ZDHHC12: variants seen among roughly 807,000 people sequenced by gnomAD.
ZDHHC12 encodes the protein palmitoyltransferase ZDHHC12.
In ZDHHC12, 26 loss-of-function variants were observed where a neutral mutation model predicts 33.2. The ratio of observed to expected loss-of-function variants is 0.78; its 90% CI spans 0.57 to 1.09. The LOEUF is 1.09. ZDHHC12 is among the 50% of genes least tolerant of loss of function. The probability of loss-of-function intolerance (pLI) is 0.00; values close to 1 mark genes in which losing one functional copy is unlikely to be tolerated. For synonymous variants in ZDHHC12, 154 were observed against 152.1 expected, an observed-to-expected ratio of 1.01 and a Z score of -0.09; for missense variants, 350 against 353.0, an observed-to-expected ratio of 0.99 and a Z score of 0.07.
In ZDHHC12 at chr9:128,722,482, A is replaced by G. The variant is rs753759919; in HGVS notation, c.193T>C (p.Ser65Pro). 6.4e-7 allele frequency: 1 copy of G among 1,564,226 alleles called. No individual in the cohort carries two copies. Among genetic ancestry groups the G allele is most frequent in the South Asian group, 1.2e-5 (1 of 84,898 alleles). ...LGSLLLYLAV[S>P]LMDPGYVNVQ... is the part of the protein sequence containing the mutation. ...TTCACGTAGCCAGGGTCCATGAGTG[A>G]CACAGCGAGGTAGAGCAGCAGGGAG... The change falls in exon 2 of 5, where the codon TCA (serine) becomes CCA (proline). Residue 65 changes from serine (S) to proline (P), a missense_variant. By Grantham distance (74) the Ser-to-Pro change is moderately conservative. Transcript: ENST00000372663. The surrounding 1 kb of genome is among the most constrained non-coding windows in gnomAD (Gnocchi z 4.2).
chr9:128,722,773 G>T lies in ZDHHC12; in HGVS notation c.101-199C>A, dbSNP rs1862608829. On this transcript the variant is annotated intron_variant, in intron 1 of 4. Coordinates refer to ENST00000372663, the MANE Select transcript of ZDHHC12 (RefSeq NM_032799.5). This position sits in a 1 kb window ranked among gnomAD's most constrained non-coding sequence, Gnocchi z 4.2. Reference sequence around the variant, plus strand: ...TCAGAGGGAACCATGGAAGGTTATAGAGCCAGATCTGTTTTGGAAAACCTC... The same window carrying T: ...TCAGAGGGAACCATGGAAGGTTATATAGCCAGATCTGTTTTGGAAAACCTC... 2.1e-6 allele frequency: 3 copies of T among 1,413,352 alleles called. No individual in the cohort carries two copies. In the South Asian group the frequency reaches 4.8e-5, roughly 23 times the overall value. The allele number at this position is 1,413,352 out of a possible 1,614,324, so 87.6% of individuals were successfully genotyped here.
At position 128,720,959 on chromosome 9, in the gene ZDHHC12, G is replaced by T. The variant is rs1862525727; in HGVS notation, c.*222C>A. 8.3e-6 allele frequency: 5 copies of T among 605,902 alleles called. No individual in the cohort carries two copies. The highest frequency in any genetic ancestry group is 4.4e-4 in the Middle Eastern group (1 of 2,258). 37.5% of individuals were successfully genotyped at this position (605,902 alleles called of 1,614,324 possible). On this transcript the variant is annotated 3_prime_UTR_variant, in exon 5 of 5. Transcript: ENST00000372663. The surrounding 1 kb of genome is among the most constrained non-coding windows in gnomAD (Gnocchi z 5.5). ...GGGCGGGGCTGGGGTGGAGCCCGGG[G>T]TCTGCTTGGGCCTGAGCCACCCACA...
In ZDHHC12 at chr9:128,722,533, G is replaced by A. The variant is rs1257215683; in HGVS notation, c.142C>T (p.Leu48Phe). The A allele has an allele frequency of 1.3e-6, 2 of 1,591,232 alleles. No homozygotes were observed. Among genetic ancestry groups the A allele is most frequent in the South Asian group, 1.1e-5 (1 of 87,422 alleles). The stretch of plus-strand genomic sequence containing the variant: ...CCCAGCACCAGGAGCAGGAAGGTGA[G>A]GGGCAGGAGCAGCTCCCCCTGCTCC... ...WEEQGELLLPLTFLLLVLGSL... is the reference protein window; with the variant it reads ...WEEQGELLLPFTFLLLVLGSL... Residue 48 changes from leucine (L) to phenylalanine (F), a missense_variant, in exon 2 of 5, where the codon CTC becomes TTC. Coordinates refer to ENST00000372663, the MANE Select transcript of ZDHHC12 (RefSeq NM_032799.5). The surrounding 1 kb of genome is among the most constrained non-coding windows in gnomAD (Gnocchi z 4.2).
In ZDHHC12 at chr9:128,721,053, A is replaced by C; in HGVS notation, c.*128T>G. 1 of 975,318 alleles carries C rather than the reference A, an allele frequency of 1.0e-6. No homozygotes were observed. The highest frequency in any genetic ancestry group is 1.5e-6 in the Non-Finnish European group (1 of 683,814). The allele number at this position is 975,318 out of a possible 1,614,324, so 60.4% of individuals were successfully genotyped here. On this transcript the variant is annotated 3_prime_UTR_variant, in exon 5 of 5. Transcript: ENST00000372663. The surrounding 1 kb of genome is among the most constrained non-coding windows in gnomAD (Gnocchi z 6.9). ...CCAAGGCAGGGATCTGTCTGACTTG[A>C]AGCTCCGTTCTGGGGTCTGGGAGGC... is the stretch of plus-strand genomic sequence containing the variant.
rs768101088 is a variant in ZDHHC12 at position 128,721,781 on chromosome 9, G to A, written c.352C>T (p.Arg118Cys). 9 of 1,613,468 alleles carry A rather than the reference G, an allele frequency of 5.6e-6. No individual in the cohort carries two copies. The highest frequency in any genetic ancestry group is 5.5e-5 in the South Asian group (5 of 91,080). Residue 118 changes from arginine (R) to cysteine (C), a missense_variant, in exon 4 of 5, where the codon CGT (arginine) becomes TGT (cysteine). Coordinates refer to ENST00000372663, the MANE Select transcript of ZDHHC12 (RefSeq NM_032799.5). The surrounding 1 kb of genome is among the most constrained non-coding windows in gnomAD (Gnocchi z 6.9). ...TGGTGGTCGTAGCGGCGGACGCAAC[G>A]GCGGCACTCACGGCAGTGCCGAGCC... The part of the protein sequence containing the change: ...LRARHCRECR[R>C]CVRRYDHHCP...
Position 128,724,114 on chromosome 9 carries a change from C to A in ZDHHC12, c.-21G>T. Reference sequence around the variant, plus strand: ...GCCATCGCCTCGGCCCGGGGCCCCACCCGGAAGAAGCGCCCAGAGGGGCGG... The same window carrying A: ...GCCATCGCCTCGGCCCGGGGCCCCAACCGGAAGAAGCGCCCAGAGGGGCGG... On this transcript the variant is annotated 5_prime_UTR_variant, in exon 1 of 5. Transcript: ENST00000372663. 2 of 1,522,820 alleles carry A rather than the reference C, an allele frequency of 1.3e-6. No homozygotes were observed. The highest frequency in any genetic ancestry group is 1.4e-5 in the African/African-American group (1 of 71,848). 94.3% of individuals were successfully genotyped at this position (1,522,820 alleles called of 1,614,324 possible). A position where few individuals can be genotyped will look rare whatever the true frequency, so the allele number is the denominator to read the frequency against.
Position 128,721,131 on chromosome 9 carries a change from C to T in ZDHHC12, c.*50G>A. The T allele has an allele frequency of 1.4e-6, 2 of 1,477,918 alleles. No individual in the cohort carries two copies. Among genetic ancestry groups the T allele is most frequent in the Non-Finnish European group, 1.8e-6 (2 of 1,117,400 alleles). The allele number at this position is 1,477,918 out of a possible 1,614,324, so 91.6% of individuals were successfully genotyped here. A position where few individuals can be genotyped will look rare whatever the true frequency, so the allele number is the denominator to read the frequency against. On this transcript the variant is annotated 3_prime_UTR_variant, in exon 5 of 5. Transcript: ENST00000372663. The surrounding 1 kb of genome is among the most constrained non-coding windows in gnomAD (Gnocchi z 6.9). ...TCTGAGCGCTCACCCCAGCTGGGGA[C>T]AGGCCCCGTGGTTTTCAGGCACAAG...
chr9:128,724,006 G>T lies in ZDHHC12; in HGVS notation c.88C>A (p.Leu30Met). ...GGGTCCGGCTCACCGGTATCGTGCA[G>T]GAAGAGCACCAGCGTGATTCCCCAG... ...LTWGITLVLF[L>M]HDTELRQWEE... Residue 30 changes from leucine (L) to methionine (M), a missense_variant, in exon 1 of 5, where the codon CTG (leucine) becomes ATG (methionine). Transcript: ENST00000372663. 1 of 1,612,940 alleles carries T rather than the reference G, an allele frequency of 6.2e-7. No homozygotes were observed. The highest frequency in any genetic ancestry group is 2.2e-5 in the East Asian group (1 of 44,814).
rs1316887939 is a variant in ZDHHC12, at chr9:128,721,544, G to A, written c.483-42C>T. ...AGGGGCCTGGTGCTGGGGGAGGGCA[G>A]GGGAGCCCTTCCCTCCCCATGCCGG... On this transcript the variant is annotated intron_variant, in intron 4 of 4. Transcript: ENST00000372663. The surrounding 1 kb of genome is among the most constrained non-coding windows in gnomAD (Gnocchi z 6.9). 1 of 1,590,904 alleles carries A rather than the reference G, an allele frequency of 6.3e-7. No individual in the cohort carries two copies. The highest frequency in any genetic ancestry group is 8.6e-7 in the Non-Finnish European group (1 of 1,166,544).
chr9:128,721,358 G>A lies in ZDHHC12; in HGVS notation c.627C>T (p.Thr209=). Reference sequence around the variant, plus strand: ...GTGAGGAGATGAATTCCCAGGTGGTGGTGTTGCTGGCCACCAGGTAGAGGT... The same window carrying A: ...GTGAGGAGATGAATTCCCAGGTGGTAGTGTTGCTGGCCACCAGGTAGAGGT... ...VSHLYLVASN[T]TTWEFISSHR... Residue 209 remains threonine, a synonymous_variant, in exon 5 of 5, where the codon ACC becomes ACT. Transcript: ENST00000372663. The surrounding 1 kb of genome is among the most constrained non-coding windows in gnomAD (Gnocchi z 6.9). 2 of 1,587,496 alleles carry A rather than the reference G, an allele frequency of 1.3e-6. No homozygotes were observed. Among genetic ancestry groups the A allele is most frequent in the African/African-American group, 1.3e-5 (1 of 74,756 alleles).
At position 128,721,152 on chromosome 9, in the gene ZDHHC12, A is replaced by G. The variant is rs376384777; in HGVS notation, c.*29T>C. On this transcript the variant is annotated 3_prime_UTR_variant, in exon 5 of 5. Transcript: ENST00000372663. This position sits in a 1 kb window ranked among gnomAD's most constrained non-coding sequence, Gnocchi z 6.9. Reference sequence around the variant, plus strand: ...GGGACAGGCCCCGTGGTTTTCAGGCACAAGACGGTAGCCCGGCCTCCAGCA... The same window carrying G: ...GGGACAGGCCCCGTGGTTTTCAGGCGCAAGACGGTAGCCCGGCCTCCAGCA... 43 of 1,515,358 alleles carry G rather than the reference A, an allele frequency of 2.8e-5. No individual in the cohort carries two copies. In the African/African-American group the frequency reaches 5.2e-4, roughly 18 times the overall value. The allele number at this position is 1,515,358 out of a possible 1,614,324, so 93.9% of individuals were successfully genotyped here. A position where few individuals can be genotyped will look rare whatever the true frequency, so the allele number is the denominator to read the frequency against.
In ZDHHC12 at chr9:128,722,830, G is replaced by A. The variant is rs1862610649; in HGVS notation, c.101-256C>T. On this transcript the variant is annotated intron_variant, in intron 1 of 4. Coordinates refer to ENST00000372663, the MANE Select transcript of ZDHHC12 (RefSeq NM_032799.5). This position sits in a 1 kb window ranked among gnomAD's most constrained non-coding sequence, Gnocchi z 4.2. ...AAAGAAATGGATCAGGGGAAGCCTG[G>A]GGGCAGAGAATCTGGCCAGGAGGAA... is the stretch of plus-strand genomic sequence containing the variant. 1 of 1,244,746 alleles carries A rather than the reference G, an allele frequency of 8.0e-7. No homozygotes were observed. The highest frequency in any genetic ancestry group is 1.6e-5 in the African/African-American group (1 of 63,848). 77.1% of individuals were successfully genotyped at this position (1,244,746 alleles called of 1,614,324 possible).
chr9:128,722,174 T>C lies in ZDHHC12; in HGVS notation c.238-88A>G. 6.6e-7 allele frequency: 1 copy of C among 1,517,892 alleles called. No individual in the cohort carries two copies. Among genetic ancestry groups the C allele is most frequent in the Non-Finnish European group, 9.1e-7 (1 of 1,099,126 alleles). The allele number at this position is 1,517,892 out of a possible 1,614,324, so 94.0% of individuals were successfully genotyped here. A position where few individuals can be genotyped will look rare whatever the true frequency, so the allele number is the denominator to read the frequency against. On this transcript the variant is annotated intron_variant, in intron 2 of 4. Coordinates refer to ENST00000372663, the MANE Select transcript of ZDHHC12 (RefSeq NM_032799.5). The surrounding 1 kb of genome is among the most constrained non-coding windows in gnomAD (Gnocchi z 4.2). ...GCTCCCCTAGGGGCCGGCTTAGCTC[T>C]GGGTATGGAGTTTGGGACCCATCCC... is the stretch of plus-strand genomic sequence containing the variant.
chr9:128,721,462 G>A lies in ZDHHC12; in HGVS notation c.523C>T (p.Arg175Trp), dbSNP rs141785453. ...RFFQPWGQWL[R>W]SSGLLFATFL... ...GTGGCGAACAGGAGCCCGCTGGACC[G>A]CAACCACTGACCCCAGGGCTGGAAG... is the stretch of plus-strand genomic sequence containing the variant. The change falls in exon 5 of 5, where the codon CGG becomes TGG. Residue 175 changes from arginine (R) to tryptophan (W), a missense_variant. Coordinates refer to ENST00000372663, the MANE Select transcript of ZDHHC12 (RefSeq NM_032799.5). This position sits in a 1 kb window ranked among gnomAD's most constrained non-coding sequence, Gnocchi z 6.9. 9.2e-4 allele frequency: 1,467 copies of A among 1,591,260 alleles called. 24 individuals are homozygous for A. The East Asian group carries it at 0.027, about 29-fold the overall frequency.
At position 128,723,864 on chromosome 9, in the gene ZDHHC12, T is replaced by A; in HGVS notation, c.100+130A>T. 7.2e-7 allele frequency: 1 copy of A among 1,394,854 alleles called. No individual in the cohort carries two copies. The highest frequency in any genetic ancestry group is 9.7e-7 in the Non-Finnish European group (1 of 1,028,004). 86.4% of individuals were successfully genotyped at this position (1,394,854 alleles called of 1,614,324 possible). On this transcript the variant is annotated intron_variant, in intron 1 of 4. Transcript: ENST00000372663. The surrounding 1 kb of genome is among the most constrained non-coding windows in gnomAD (Gnocchi z 4.4). ...TTGGAATGATAGATGGGGAGAGGGC[T>A]TCAGGAGCTGGTGGAGATCGGGCCA...
rs774375959 is a variant in ZDHHC12, at chr9:128,721,833, A to G, written c.316-16T>C. 15 of 1,610,630 alleles carry G rather than the reference A, an allele frequency of 9.3e-6. No individual in the cohort carries two copies. Among genetic ancestry groups the G allele is most frequent in the Non-Finnish European group, 1.3e-5 (15 of 1,178,422 alleles). On this transcript the variant is annotated splice_polypyrimidine_tract_variant and intron_variant, in intron 3 of 4. Transcript: ENST00000372663. The surrounding 1 kb of genome is among the most constrained non-coding windows in gnomAD (Gnocchi z 6.9). ...TCAGGGGCTGCTGTGGGCATGGAGGAGAGTGGAGGCTCAGTGCCAGCCCTG... is the reference window on the plus strand; with the variant it reads ...TCAGGGGCTGCTGTGGGCATGGAGGGGAGTGGAGGCTCAGTGCCAGCCCTG...
In ZDHHC12 at chr9:128,721,639, A is replaced by G. The variant is rs1012487041; in HGVS notation, c.482+12T>C. 26 of 1,612,600 alleles carry G rather than the reference A, an allele frequency of 1.6e-5. No individual in the cohort carries two copies. The highest frequency in any genetic ancestry group is 2.0e-5 in the Non-Finnish European group (23 of 1,179,234). ...TCCCACCCTCCCTCTACACCCGGGCAGCAGCACCCACCATGCCAGGTACAG... is the reference window on the plus strand; with the variant it reads ...TCCCACCCTCCCTCTACACCCGGGCGGCAGCACCCACCATGCCAGGTACAG... On this transcript the variant is annotated intron_variant, in intron 4 of 4. Transcript: ENST00000372663. The surrounding 1 kb of genome is among the most constrained non-coding windows in gnomAD (Gnocchi z 6.9).
rs577708078 is a variant in ZDHHC12, at chr9:128,722,610, G to A, written c.101-36C>T. The A allele has an allele frequency of 2.5e-6, 4 of 1,580,564 alleles. No homozygotes were observed. In the South Asian group the frequency reaches 3.5e-5, roughly 14 times the overall value. On this transcript the variant is annotated intron_variant, in intron 1 of 4. Coordinates refer to ENST00000372663, the MANE Select transcript of ZDHHC12 (RefSeq NM_032799.5). This position sits in a 1 kb window ranked among gnomAD's most constrained non-coding sequence, Gnocchi z 4.2. Reference sequence around the variant, plus strand: ...CGGAGAGCACAGTGAGGCTGGGCCGGGTAGAACAGGAGTGGGTGGGGTTGG... The same window carrying A: ...CGGAGAGCACAGTGAGGCTGGGCCGAGTAGAACAGGAGTGGGTGGGGTTGG...
chr9:128,723,664 G>A lies in ZDHHC12; in HGVS notation c.100+330C>T. Reference sequence around the variant, plus strand: ...GTATGGATAGGAAGATTTGGGGTCAGTTCCTGGGAAGGATCATGTGGGTCC... The same window carrying A: ...GTATGGATAGGAAGATTTGGGGTCAATTCCTGGGAAGGATCATGTGGGTCC... On this transcript the variant is annotated intron_variant, in intron 1 of 4. Coordinates refer to ENST00000372663, the MANE Select transcript of ZDHHC12 (RefSeq NM_032799.5). The surrounding 1 kb of genome is among the most constrained non-coding windows in gnomAD (Gnocchi z 4.4). The A allele has an allele frequency of 6.5e-6, 3 of 461,228 alleles. No homozygotes were observed. The highest frequency in any genetic ancestry group is 3.8e-5 in the Admixed American group (1 of 26,104). The allele number at this position is 461,228 out of a possible 1,614,324, so 28.6% of individuals were successfully genotyped here.
Sources: allele counts gnomAD v4.1 joint callset, GRCh38; gene constraint gnomAD v4.1.1; non-coding constraint Gnocchi (gnomAD v3.1); transcripts MANE v1.5; gene names NCBI Gene and HGNC (gene_info 2026-07-23, HGNC 2026-07-21).